The following WDFY4 variants were observed in gnomAD, a reference collection of about 807,000 sequenced individuals.
WDFY4 encodes WDFY family member 4.
Under a neutral mutation model 351.9 loss-of-function variants are expected in WDFY4, and 169 were observed. The ratio of observed to expected loss-of-function variants is 0.48; its 90% CI spans 0.42 to 0.55. The LOEUF (loss-of-function observed/expected upper bound fraction) is 0.55, where lower values mean the gene tolerates loss of function less well. Among genes scored for constraint, WDFY4 ranks in the 20% least tolerant of loss-of-function variants. WDFY4 has a pLI of 0.00. For synonymous variants in WDFY4, 1,622 were observed against 1,574.6 expected (o/e 1.03, Z -0.71); for missense variants, 3,803 against 3,935.6 (o/e 0.97, Z 0.90).
At chr10:48,735,264 C>T (rs1355327684) in intron 10 of WDFY4, among the ~76,000 whole-genome samples, 1 of 152,118 alleles carries the variant, frequency 6.6e-6, no homozygotes, top group African/African-American at 2.4e-5. Context: ...GGAAAAAATG[C>T]TTGGAATTAC....
At chr10:48,952,876 C>T (rs902280443) in intron 51 of WDFY4, among the ~76,000 whole-genome samples, 1 of 152,202 alleles carries the variant, frequency 6.6e-6, no homozygotes, top group Non-Finnish European at 1.5e-5. Flanking sequence ...TATTCAGTAG[C>T]GTGTCAGGGC....
rs1262723857 is a variant in WDFY4, at chr10:48,721,271, G to C, written c.360G>C (p.Arg120=). The change falls in exon 4 of 62, where the codon CGG becomes CGC. Residue 120 remains arginine (R), a synonymous_variant. Coordinates refer to ENST00000325239, the MANE Select transcript of WDFY4 (RefSeq NM_001394531.1). The part of the protein sequence containing the change: ...ALVGKPAEQA[R]LAAGQLLWWK... ...GACACTTTCTTCCAGAGCAAGCTCG[G>C]TTGGCAGCTGGACAGTTGCTGTGGT... The C allele has an allele frequency of 6.4e-7, 1 of 1,551,708 alleles. No individual in the cohort carries two copies. Among genetic ancestry groups the C allele is most frequent in the South Asian group, 1.2e-5 (1 of 84,066 alleles).
Position 48,957,189 on chromosome 10 carries a change from G to A in WDFY4, c.8038G>A (p.Ala2680Thr), listed in dbSNP as rs1841634328. 1 of 1,551,670 alleles carries A rather than the reference G, an allele frequency of 6.4e-7. No homozygotes were observed. The highest frequency in any genetic ancestry group is 8.7e-7 in the Non-Finnish European group (1 of 1,146,988). The change falls in exon 52 of 62, where the codon GCC becomes ACC. Residue 2680 changes from alanine to threonine, a missense_variant. Coordinates refer to ENST00000325239, the MANE Select transcript of WDFY4 (RefSeq NM_001394531.1). ...FHSVKSTWESASRENMSDVRE... is the reference protein window; with the variant it reads ...FHSVKSTWESTSRENMSDVRE... ...CAGTGTGAAGAGCACGTGGGAGTCGGCCTCCAGAGAGAACATGAGTGACGT... is the reference window on the plus strand; with the variant it reads ...CAGTGTGAAGAGCACGTGGGAGTCGACCTCCAGAGAGAACATGAGTGACGT...
chr10:48,696,834 C>T (rs909233364), intron 1 of WDFY4, among the ~76,000 whole-genome samples: 3 of 152,244 alleles, frequency 2.0e-5, no homozygotes, highest in African/African-American at 7.2e-5. Flanking sequence ...TACTGGACAC[C>T]CTCTCACATA....
chr10:48,952,131 C>T (rs1028102058), intron 51 of WDFY4, among the ~76,000 whole-genome samples: 1 of 152,184 alleles, frequency 6.6e-6, no homozygotes, highest in Non-Finnish European at 1.5e-5. Context: ...GGGGTCAGTG[C>T]CAGGATTCTT....
In WDFY4 at chr10:48,743,555, T is replaced by G. The variant is rs1369176200; in HGVS notation, c.2459+7T>G. 5.2e-6 allele frequency: 8 copies of G among 1,528,292 alleles called. No homozygotes were observed. The highest frequency in any genetic ancestry group is 2.5e-5 in the East Asian group (1 of 40,630). 94.7% of individuals were successfully genotyped at this position (1,528,292 alleles called of 1,614,324 possible). A position where few individuals can be genotyped will look rare whatever the true frequency, so the allele number is the denominator to read the frequency against. On this transcript the variant is annotated splice_region_variant and intron_variant, in intron 12 of 61. Transcript: ENST00000325239. ...GGCCAGACCTGGAGGAGAGGTAGCT[T>G]CTTCTGCCAGTGTGTCATCAGTGCA...
intron 12 of WDFY4, chr10:48,746,148 G>A (rs1027455818): frequency 6.5e-6 from 1 of 152,764 alleles, no homozygotes; most frequent in Non-Finnish European, 1.5e-5. Context: ...CAGCGGCCTG[G>A]GAAATGGTGT....
rs35719998 is a variant in WDFY4 at position 48,869,542 on chromosome 10, A to AT, written c.6741+2214dup. ...TGCAATTCAAATAGTCAATCAGCCA[A>AT]TTTTTTTTTTTTTTGATCCAGAAGT... On this transcript the variant is annotated intron_variant, in intron 40 of 61. Coordinates refer to ENST00000325239, the MANE Select transcript of WDFY4 (RefSeq NM_001394531.1). 7.6e-3 allele frequency among the ~76,000 whole-genome samples: 1,126 copies of AT among 148,286 alleles called. 10 individuals carry two copies. Among genetic ancestry groups the AT allele is most frequent in the African/African-American group, 0.021 (853 of 40,392 alleles).
At chr10:48,779,905 C>G in intron 18 of WDFY4, 36 bp from the exon 19 acceptor site, 1 of 1,549,528 alleles carries the variant, frequency 6.5e-7, no homozygotes, top group Non-Finnish European at 8.7e-7. Context: ...CAGTGTAGCA[C>G]CACACGTGAG....
chr10:48,799,873 T>C (rs1400801890), intron 24 of WDFY4, among the ~76,000 whole-genome samples: 3 of 152,138 alleles, frequency 2.0e-5, no homozygotes, highest in Non-Finnish European at 4.4e-5. Flanking sequence ...TCAGAACTTT[T>C]GGTTTTGGGT....
At chr10:48,926,536 C>G (rs906871720) in intron 47 of WDFY4, among the ~76,000 whole-genome samples, 4 of 152,152 alleles carry the variant, frequency 2.6e-5, no homozygotes, top group Admixed American at 2.6e-4. Flanking sequence ...TGCAGATGTT[C>G]CACTGACCTT....
At chr10:48,937,018 C>CG (rs1478286375) in intron 47 of WDFY4, among the ~76,000 whole-genome samples, 7 of 151,508 alleles carry the variant, frequency 4.6e-5, no homozygotes. Flanking sequence ...CTCCCGGGTT[C>CG]GAGTAGCTGG....
chr10:48,886,035 G>A lies in WDFY4; in HGVS notation c.7168-4544G>A, dbSNP rs111765015. ...AGGCAAGCAGAGATGTAGGAAGAGG[G>A]CAGATGATAAATGGGAGCAGGGCTA... On this transcript the variant is annotated intron_variant, in intron 43 of 61. Transcript: ENST00000325239. 2.7e-3 allele frequency among the ~76,000 whole-genome samples: 418 copies of A among 152,252 alleles called. 3 individuals carry two copies. The highest frequency in any genetic ancestry group is 9.4e-3 in the African/African-American group (391 of 41,540).
chr10:48,723,643 G>A (rs989968756), intron 5 of WDFY4, 76 bp downstream of exon 5: 3 of 1,525,698 alleles, frequency 2.0e-6, no homozygotes, highest in Non-Finnish European at 1.8e-6. Flanking sequence ...GCTTCCCGTA[G>A]ATGCTTTTGT....
rs1237270622 is a variant in WDFY4 at position 48,720,086 on chromosome 10, G to A, written c.310G>A (p.Ala104Thr). 14 of 1,551,764 alleles carry A rather than the reference G, an allele frequency of 9.0e-6. No individual in the cohort carries two copies. In the East Asian group the frequency reaches 3.2e-4, roughly 35 times the overall value. Residue 104 changes from alanine (A) to threonine (T), a missense_variant, in exon 3 of 62, where the codon GCC becomes ACC. Coordinates refer to ENST00000325239, the MANE Select transcript of WDFY4 (RefSeq NM_001394531.1). ...RLAEDVSDQL[A>T]QQLQKALVGK... is the part of the protein sequence containing the mutation. ...GGCTGAAGACGTGTCTGACCAGCTT[G>A]CCCAGCAACTCCAGAAGGCCCTTGT... is the stretch of plus-strand genomic sequence containing the variant.
chr10:48,979,203 C>T (rs556545023), intron 60 of WDFY4, among the ~76,000 whole-genome samples: 31 of 152,262 alleles, frequency 2.0e-4, no homozygotes, highest in African/African-American at 2.9e-4. Context: ...TCAAGAACTC[C>T]GTCAGTTCAC....
chr10:48,839,425 C>T (rs2068519680), intron 39 of WDFY4, among the ~76,000 whole-genome samples: 2 of 152,122 alleles, frequency 1.3e-5, no homozygotes, highest in African/African-American at 4.8e-5. Context: ...GAAGGGTCTT[C>T]CCCAGGAGAT....
intron 2 of WDFY4, among the ~76,000 whole-genome samples, chr10:48,719,262 G>T (rs1324344159): frequency 6.6e-6 from 1 of 152,154 alleles, no homozygotes; most frequent in African/African-American, 2.4e-5. Flanking sequence ...AAGTAATAGG[G>T]TAAGAATAGA....
Position 48,786,760 on chromosome 10 carries a change from G to T in WDFY4, c.3698G>T (p.Arg1233Leu). The change falls in exon 20 of 62, where the codon CGT (arginine) becomes CTT (leucine). Residue 1233 changes from arginine (R) to leucine (L), a missense_variant. Transcript: ENST00000325239. ...AAACAAAAGTCTTCATTAATCTGGC[G>T]TCTTGGCCCCACATACCTCTTTGAA... ...VWKQKSSLIW[R>L]LGPTYLFEEA... 1 of 1,552,348 alleles carries T rather than the reference G, an allele frequency of 6.4e-7. No individual in the cohort carries two copies. Among genetic ancestry groups the T allele is most frequent in the Non-Finnish European group, 8.7e-7 (1 of 1,147,126 alleles).
Sources: allele counts gnomAD v4.1 joint callset (sites outside exome capture counted in the v4.1 genomes callset), GRCh38; gene constraint gnomAD v4.1.1; transcripts MANE v1.5; gene names NCBI Gene and HGNC (gene_info 2026-07-23, HGNC 2026-07-21).